Variants in CCSER1 observed in about 807,000 individuals in gnomAD.
CCSER1 encodes the protein serine-rich coiled-coil domain-containing protein 1.
CCSER1 carries 41 observed loss-of-function variants against 82.0 expected under a neutral mutation model. The observed-to-expected ratio is 0.50, with a 90% confidence interval of 0.39 to 0.65. CCSER1 has a LOEUF of 0.65. CCSER1 is among the 30% of genes least tolerant of loss of function. CCSER1 has a pLI of 0.00. For missense variants in CCSER1, 1,119 were observed against 1,064.2 expected (o/e 1.05, Z -0.72); for synonymous variants, 414 against 383.9 (o/e 1.08, Z -0.92).
chr4:90,745,857 A>T (rs954842952), intron 7 of CCSER1, among the ~76,000 whole-genome samples: 8 of 140,780 alleles, frequency 5.7e-5, no homozygotes, highest in African/African-American at 2.4e-4. Flanking sequence ...ACCCAGCTAA[A>T]TTTTTTTTAA....
intron 5 of CCSER1, among the ~76,000 whole-genome samples, chr4:90,612,601 C>A (rs1453454394): frequency 6.6e-6 from 1 of 152,148 alleles, no homozygotes; most frequent in East Asian, 1.9e-4. Context: ...ACTTCATTCT[C>A]CCTAGTGTAA....
chr4:91,183,068 C>T (rs1734194110), intron 10 of CCSER1, among the ~76,000 whole-genome samples: 1 of 152,166 alleles, frequency 6.6e-6, no homozygotes. Flanking sequence ...AGTCAAAGGT[C>T]CTGGAAGAGA....
chr4:90,506,092 CAT>C (rs1178713045), intron 5 of CCSER1, among the ~76,000 whole-genome samples: 1 of 152,188 alleles, frequency 6.6e-6, no homozygotes, highest in African/African-American at 2.4e-5. Flanking sequence ...AGACCTAGCA[CAT>C]GTTGTTGCTC....
chr4:90,771,556 G>T (rs1580392948), intron 7 of CCSER1, among the ~76,000 whole-genome samples: 1 of 131,090 alleles, frequency 7.6e-6, no homozygotes, highest in African/African-American at 3.1e-5. Context: ...TTTAGAAAAT[G>T]CCGGGCACTA....
At chr4:90,574,430 G>T (rs1413643334) in intron 5 of CCSER1, among the ~76,000 whole-genome samples, 2 of 150,290 alleles carry the variant, frequency 1.3e-5, no homozygotes, top group East Asian at 3.9e-4. Flanking sequence ...CACCGCGCCC[G>T]GCTAATTTTT....
intron 3 of CCSER1, among the ~76,000 whole-genome samples, chr4:90,343,043 A>G (rs1021255265): frequency 1.3e-5 from 2 of 151,936 alleles, no homozygotes; most frequent in East Asian, 1.9e-4. Context: ...ATTAACTTCA[A>G]TTCTCAATTG....
intron 5 of CCSER1, among the ~76,000 whole-genome samples, chr4:90,610,930 G>A (rs1785386747): frequency 6.6e-6 from 1 of 152,056 alleles, no homozygotes. Flanking sequence ...CCAGGCTGGA[G>A]TGCAATAGCG....
intron 3 of CCSER1, among the ~76,000 whole-genome samples, chr4:90,335,908 A>G (rs1740306394): frequency 2.6e-5 from 4 of 152,206 alleles, no homozygotes; most frequent in Admixed American, 2.6e-4. Context: ...GTGAGCCATC[A>G]CGCCCGACAT....
chr4:90,483,408 T>G (rs1162762373), intron 5 of CCSER1, among the ~76,000 whole-genome samples: 20 of 152,210 alleles, frequency 1.3e-4, no homozygotes. Flanking sequence ...AATTTGATCC[T>G]GTCATTATGA....
chr4:90,306,178 G>C (rs923939816), intron 1 of CCSER1, among the ~76,000 whole-genome samples: 1 of 152,112 alleles, frequency 6.6e-6, no homozygotes, highest in Non-Finnish European at 1.5e-5. Context: ...TGGAAGGACC[G>C]GGGGCTGGGG....
chr4:90,191,409 C>T (rs1375136913), intron 1 of CCSER1, among the ~76,000 whole-genome samples: 3 of 151,966 alleles, frequency 2.0e-5, no homozygotes, highest in Non-Finnish European at 2.9e-5. Context: ...CCAAGCTGGC[C>T]TGGCCCTTTG....
At position 90,445,401 on chromosome 4, in the gene CCSER1, G is replaced by T. The variant is rs188674723; in HGVS notation, c.1604-22833G>T. Among the ~76,000 whole-genome samples, 12 of 152,190 alleles carry T rather than the reference G, an allele frequency of 7.9e-5. No individual in the cohort carries two copies. The East Asian group carries it at 2.3e-3, about 29-fold the overall frequency. ...AATACTTAAGTGGAGGTTTGTGATT[G>T]CAGTGATTATTTCAAGATCTTTGTG... is the stretch of plus-strand genomic sequence containing the variant. On this transcript the variant is annotated intron_variant, in intron 4 of 10. Transcript: ENST00000509176.
At chr4:91,288,896 T>G (rs1648073790) in intron 10 of CCSER1, among the ~76,000 whole-genome samples, 1 of 152,034 alleles carries the variant, frequency 6.6e-6, no homozygotes, top group Non-Finnish European at 1.5e-5. Context: ...GTGCCTGCTT[T>G]AAGACTTAGA....
At chr4:90,350,092 A>G (rs1743156088) in intron 3 of CCSER1, among the ~76,000 whole-genome samples, 1 of 152,172 alleles carries the variant, frequency 6.6e-6, no homozygotes, top group Admixed American at 6.5e-5. Flanking sequence ...TAGATGAACA[A>G]TCATTATTGA....
chr4:91,020,135 T>A (rs1390129082), intron 9 of CCSER1, among the ~76,000 whole-genome samples: 5 of 152,160 alleles, frequency 3.3e-5, no homozygotes, highest in Admixed American at 3.3e-4. Context: ...ATAGAAAAGC[T>A]TCACTTTGAA....
chr4:90,413,085 G>T (rs1755145934), intron 4 of CCSER1, among the ~76,000 whole-genome samples: 1 of 152,122 alleles, frequency 6.6e-6, no homozygotes, highest in Non-Finnish European at 1.5e-5. Flanking sequence ...CCTGGTAAAT[G>T]AATTTAGCAA....
intron 10 of CCSER1, among the ~76,000 whole-genome samples, chr4:91,088,768 A>G (rs951395229): frequency 6.6e-6 from 1 of 152,230 alleles, no homozygotes; most frequent in Non-Finnish European, 1.5e-5. Context: ...CTAACTGATT[A>G]TAAACAATTT....
chr4:91,269,814 A>G (rs1471937016), intron 10 of CCSER1, among the ~76,000 whole-genome samples: 1 of 151,678 alleles, frequency 6.6e-6, no homozygotes, highest in Non-Finnish European at 1.5e-5. Flanking sequence ...CTCTACTTAA[A>G]AAAAATTCAT....
At chr4:90,137,195 G>A (rs1039200156) in intron 1 of CCSER1, among the ~76,000 whole-genome samples, 13 of 152,116 alleles carry the variant, frequency 8.5e-5, no homozygotes, top group Non-Finnish European at 1.9e-4. Context: ...TTAAAGTACA[G>A]ATTACTAAAC....
Sources: allele counts gnomAD v4.1 joint callset (sites outside exome capture counted in the v4.1 genomes callset), GRCh38; gene constraint gnomAD v4.1.1; transcripts MANE v1.5; gene names NCBI Gene and HGNC (gene_info 2026-07-23, HGNC 2026-07-21).